Variants in CELSR2 observed in about 807,000 individuals in gnomAD.
CELSR2 encodes the protein cadherin EGF LAG seven-pass G-type receptor 2.
Under a neutral mutation model 251.6 loss-of-function variants are expected in CELSR2, and 81 were observed. The observed-to-expected ratio is 0.32, with a 90% confidence interval of 0.27 to 0.39. The LOEUF (loss-of-function observed/expected upper bound fraction) is 0.39. CELSR2 is among the 10% of genes least tolerant of loss of function. CELSR2 has a pLI of 1.00. For missense variants in CELSR2, 3,365 were observed against 3,947.7 expected (o/e 0.85, Z 3.96); for synonymous variants, 1,721 against 1,670.5 (o/e 1.03, Z -0.74).
Position 109,267,835 on chromosome 1 carries a change from G to T in CELSR2, c.6109-16G>T. The T allele has an allele frequency of 1.3e-6, 2 of 1,593,630 alleles. No homozygotes were observed. Among genetic ancestry groups the T allele is most frequent in the Non-Finnish European group, 8.6e-7 (1 of 1,169,484 alleles). ...TTCCTGCCCTCACTCCTGCTCCTCCGCTCCGTCCTGTCTAGGCTGAGCGGC... is the reference window on the plus strand; with the variant it reads ...TTCCTGCCCTCACTCCTGCTCCTCCTCTCCGTCCTGTCTAGGCTGAGCGGC... On this transcript the variant is annotated splice_polypyrimidine_tract_variant and intron_variant, in intron 16 of 33. Transcript: ENST00000271332.
chr1:109,256,935 G>A (rs1423550850), intron 1 of CELSR2, among the ~76,000 whole-genome samples: 1 of 152,142 alleles, frequency 6.6e-6, no homozygotes, highest in Admixed American at 6.5e-5. Context: ...TGGGACTACA[G>A]GCGTGAGCCA....
In CELSR2 at chr1:109,269,826, G is replaced by A; in HGVS notation, c.7107+6G>A. 1 of 1,612,620 alleles carries A rather than the reference G, an allele frequency of 6.2e-7. No homozygotes were observed. The highest frequency in any genetic ancestry group is 8.5e-7 in the Non-Finnish European group (1 of 1,179,954). On this transcript the variant is annotated splice_donor_region_variant and intron_variant, in intron 22 of 33. Coordinates refer to ENST00000271332, the MANE Select transcript of CELSR2 (RefSeq NM_001408.3). This position sits in a 1 kb window ranked among gnomAD's most constrained non-coding sequence, Gnocchi z 6.4. The stretch of plus-strand genomic sequence containing the variant: ...TGGACGTTTCTCGGCGGGAGGTCGG[G>A]CCCACAGGGGCAGCTGCAGAGCCGT...
Position 109,269,221 on chromosome 1 carries a change from G to A in CELSR2, c.6743G>A (p.Ser2248Asn), listed in dbSNP as rs1479178331. 1.2e-5 allele frequency: 20 copies of A among 1,612,786 alleles called. No individual in the cohort carries two copies. Among genetic ancestry groups the A allele is most frequent in the Non-Finnish European group, 1.7e-5 (20 of 1,179,916 alleles). Residue 2248 changes from serine to asparagine, a missense_variant, in exon 20 of 34, where the codon AGC (serine) becomes AAC (asparagine). Ser to Asn is a conservative substitution (Grantham distance 46). Around this residue, in one of 5 missense-constraint regions of CELSR2, gnomAD observed 2,093 missense variants for 2,382.8 expected, o/e 0.88. Transcript: ENST00000271332. This position sits in a 1 kb window ranked among gnomAD's most constrained non-coding sequence, Gnocchi z 6.4. ...CTGAGCCAGGGTGAGGCTGTGGCCAGCGTCATCATCTACCGCACCCTGGCC... is the reference window on the plus strand; with the variant it reads ...CTGAGCCAGGGTGAGGCTGTGGCCAACGTCATCATCTACCGCACCCTGGCC... The part of the protein sequence containing the change: ...PELSQGEAVA[S>N]VIIYRTLAGL...
intron 2 of CELSR2, among the ~76,000 whole-genome samples, chr1:109,259,968 G>A (rs1293551734): frequency 6.6e-6 from 1 of 152,024 alleles, no homozygotes; most frequent in Non-Finnish European, 1.5e-5. Context: ...TTCCTTCCTA[G>A]ATGCCCAGGC....
At chr1:109,256,776 G>A (rs1264901431) in intron 1 of CELSR2, among the ~76,000 whole-genome samples, 1 of 152,060 alleles carries the variant, frequency 6.6e-6, no homozygotes, top group Admixed American at 6.5e-5. Context: ...TGAGTATCTG[G>A]GACCTCCTGA....
In CELSR2 at chr1:109,271,610, T is replaced by C; in HGVS notation, c.7814T>C (p.Ile2605Thr). The C allele has an allele frequency of 1.2e-6, 2 of 1,614,138 alleles. No individual in the cohort carries two copies. Among genetic ancestry groups the C allele is most frequent in the Non-Finnish European group, 1.7e-6 (2 of 1,180,034 alleles). Residue 2605 changes from isoleucine to threonine, a missense_variant, in exon 28 of 34, where the codon ATC becomes ACC. This residue lies in a region of CELSR2 where 2,093 missense variants were observed against 2,382.8 expected (regional missense o/e 0.88). Transcript: ENST00000271332. ...ATCNCIQGPFIFLSYVVLSKE... is the reference protein window; with the variant it reads ...ATCNCIQGPFTFLSYVVLSKE... The stretch of plus-strand genomic sequence containing the variant: ...CCTCTTGCCTGCCAGGGCCCCTTCA[T>C]CTTCCTCTCCTATGTGGTGCTTAGC...
Position 109,269,132 on chromosome 1 carries a change from C to A in CELSR2, c.6654C>A (p.Pro2218=), listed in dbSNP as rs751483830. ...VFRETPPVVR[P]AGPGEAQEPE... is the part of the protein sequence containing the mutation. ...CAGAGACGCCCCCCGTGGTCAGGCC[C>A]GCAGGCCCCGGAGAGGCCCAGGAGC... The change falls in exon 20 of 34, where the codon CCC becomes CCA. Residue 2218 remains proline (P), a synonymous_variant. Coordinates refer to ENST00000271332, the MANE Select transcript of CELSR2 (RefSeq NM_001408.3). This position sits in a 1 kb window ranked among gnomAD's most constrained non-coding sequence, Gnocchi z 6.4. 1.2e-5 allele frequency: 19 copies of A among 1,606,652 alleles called. No homozygotes were observed. In the South Asian group the frequency reaches 2.0e-4, roughly 17 times the overall value.
In CELSR2 at chr1:109,261,770, C is replaced by G; in HGVS notation, c.4298-38C>G. ...ACCCCAAACCCTGCCATTCCTAGCC[C>G]TCGTCAGGCATTCCAGCTCACCTGG... On this transcript the variant is annotated intron_variant, in intron 4 of 33. Transcript: ENST00000271332. The surrounding 1 kb of genome is among the most constrained non-coding windows in gnomAD (Gnocchi z 4.8). 6.4e-7 allele frequency: 1 copy of G among 1,568,788 alleles called. No homozygotes were observed. Among genetic ancestry groups the G allele is most frequent in the South Asian group, 1.1e-5 (1 of 87,196 alleles).
rs1285473529 is a variant in CELSR2 at position 109,269,344 on chromosome 1, T to G, written c.6812+54T>G. 5 of 1,610,692 alleles carry G rather than the reference T, an allele frequency of 3.1e-6. No individual in the cohort carries two copies. Among genetic ancestry groups the G allele is most frequent in the Non-Finnish European group, 4.2e-6 (5 of 1,178,652 alleles). ...GGGGTATGGGTCGGGCGGTGAGTGC[T>G]GAGGCATGGAGGGGGTCGGGGGCGT... On this transcript the variant is annotated intron_variant, in intron 20 of 33. Transcript: ENST00000271332. The surrounding 1 kb of genome is among the most constrained non-coding windows in gnomAD (Gnocchi z 6.4).
chr1:109,272,703 C>G lies in CELSR2; in HGVS notation c.8118C>G (p.Phe2706Leu), dbSNP rs765814683. ...PPGLGDPGSLFLEGQDQQHDP... is the reference protein window; with the variant it reads ...PPGLGDPGSLLLEGQDQQHDP... Reference sequence around the variant, plus strand: ...GCCTGGGGGATCCAGGCAGCCTGTTCCTGGAAGGTCAAGACCAGCAGCATG... The same window carrying G: ...GCCTGGGGGATCCAGGCAGCCTGTTGCTGGAAGGTCAAGACCAGCAGCATG... Residue 2706 changes from phenylalanine to leucine, a missense_variant, in exon 30 of 34, where the codon TTC becomes TTG. This residue lies in a region of CELSR2 where 2,093 missense variants were observed against 2,382.8 expected (regional missense o/e 0.88). Coordinates refer to ENST00000271332, the MANE Select transcript of CELSR2 (RefSeq NM_001408.3). The G allele has an allele frequency of 1.6e-5, 26 of 1,613,264 alleles. No homozygotes were observed. Among genetic ancestry groups the G allele is most frequent in the Non-Finnish European group, 2.2e-5 (26 of 1,179,810 alleles).
In CELSR2 at chr1:109,258,767, C is replaced by T. The variant is rs772124372; in HGVS notation, c.3646C>T (p.Leu1216=). Residue 1216 remains leucine, a synonymous_variant, in exon 2 of 34, where the codon CTG becomes TTG. Coordinates refer to ENST00000271332, the MANE Select transcript of CELSR2 (RefSeq NM_001408.3). ...GCGCCTATACCTCAACCGCAGCCTG[C>T]TGACGGCCATCTCGGCACAGCGCGT... ...QERLYLNRSL[L]TAISAQRVLP... 9 of 1,595,426 alleles carry T rather than the reference C, an allele frequency of 5.6e-6. No homozygotes were observed. In the African/African-American group the frequency reaches 1.2e-4, roughly 21 times the overall value.
At position 109,271,653 on chromosome 1, in the gene CELSR2, A is replaced by G; in HGVS notation, c.7857A>G (p.Ala2619=). The part of the protein sequence containing the change: ...YVVLSKEVRK[A]LKLACSRKPS... Reference sequence around the variant, plus strand: ...TGCTTAGCAAGGAGGTCCGGAAAGCACTCAAGCTTGCCTGCAGCCGCAAGC... The same window carrying G: ...TGCTTAGCAAGGAGGTCCGGAAAGCGCTCAAGCTTGCCTGCAGCCGCAAGC... Residue 2619 remains alanine, a synonymous_variant, in exon 28 of 34, where the codon GCA becomes GCG. Coordinates refer to ENST00000271332, the MANE Select transcript of CELSR2 (RefSeq NM_001408.3). The G allele has an allele frequency of 6.2e-7, 1 of 1,613,764 alleles. No individual in the cohort carries two copies. The highest frequency in any genetic ancestry group is 8.5e-7 in the Non-Finnish European group (1 of 1,179,988).
rs1656502273 is a variant in CELSR2, at chr1:109,275,372, C to T, written c.*1323C>T. The stretch of plus-strand genomic sequence containing the variant: ...CCCCTCTCCTCAGTTTTGCCGACTG[C>T]TTTTCATCTGAGTCACCATTTACTC... On this transcript the variant is annotated 3_prime_UTR_variant, in exon 34 of 34. Coordinates refer to ENST00000271332, the MANE Select transcript of CELSR2 (RefSeq NM_001408.3). The T allele has an allele frequency of 6.6e-6, 1 of 152,250 alleles. No individual in the cohort carries two copies. Among genetic ancestry groups the T allele is most frequent in the Non-Finnish European group, 1.5e-5 (1 of 68,060 alleles). 9.4% of individuals were successfully genotyped at this position (152,250 alleles called of 1,614,324 possible).
chr1:109,258,271 C>T (rs1371149497), intron 1 of CELSR2, among the ~76,000 whole-genome samples, 161 bp from the exon 2 acceptor site: 6 of 152,108 alleles, frequency 3.9e-5, no homozygotes, highest in Admixed American at 1.3e-4. Flanking sequence ...CTGCAAATCT[C>T]ATCCCCTGAG....
intron 1 of CELSR2, among the ~76,000 whole-genome samples, chr1:109,257,552 G>C (rs896829663): frequency 6.6e-6 from 1 of 152,182 alleles, no homozygotes. Context: ...CTGTTTATAA[G>C]TGAGTGTGTT....
chr1:109,261,823 C>T lies in CELSR2; in HGVS notation c.4313C>T (p.Thr1438Met), dbSNP rs1326580989. 5 of 1,593,824 alleles carry T rather than the reference C, an allele frequency of 3.1e-6. No homozygotes were observed. The highest frequency in any genetic ancestry group is 1.1e-5 in the South Asian group (1 of 88,546). ...CTTTCCCCAGGGGAGTCAACCACCACGGTGTCCCCATTCGTGCCCGGAGGA... is the reference window on the plus strand; with the variant it reads ...CTTTCCCCAGGGGAGTCAACCACCATGGTGTCCCCATTCGTGCCCGGAGGA... ...LTFSAGESTT[T>M]VSPFVPGGVS... The change falls in exon 5 of 34, where the codon ACG becomes ATG. Residue 1438 changes from threonine (T) to methionine (M), a missense_variant. Around this residue, in one of 5 missense-constraint regions of CELSR2, gnomAD observed 2,093 missense variants for 2,382.8 expected, o/e 0.88. Transcript: ENST00000271332. The surrounding 1 kb of genome is among the most constrained non-coding windows in gnomAD (Gnocchi z 4.8).
chr1:109,272,742 G>C lies in CELSR2; in HGVS notation c.8143+14G>C. On this transcript the variant is annotated intron_variant, in intron 30 of 33. Coordinates refer to ENST00000271332, the MANE Select transcript of CELSR2 (RefSeq NM_001408.3). ...ACCAGCAGCATGGTGAGGACAGAACGCTCTGGCCACCCAGCAGGGCAGTTG... is the reference window on the plus strand; with the variant it reads ...ACCAGCAGCATGGTGAGGACAGAACCCTCTGGCCACCCAGCAGGGCAGTTG... The C allele has an allele frequency of 6.2e-7, 1 of 1,613,812 alleles. No individual in the cohort carries two copies. The highest frequency in any genetic ancestry group is 8.5e-7 in the Non-Finnish European group (1 of 1,179,834).
intron 14 of CELSR2, 59 bp downstream of exon 14, chr1:109,265,977 C>T: frequency 1.3e-6 from 2 of 1,582,566 alleles, no homozygotes; most frequent in South Asian, 2.3e-5. Context: ...ACCTGCACCC[C>T]AGGAAAGCCA....
intron 1 of CELSR2, among the ~76,000 whole-genome samples, chr1:109,256,246 A>T (rs1557728842): frequency 6.6e-6 from 1 of 152,168 alleles, no homozygotes; most frequent in African/African-American, 2.4e-5. Flanking sequence ...GAGCTAGGGC[A>T]GGTTAGAAGA....
Sources: allele counts gnomAD v4.1 joint callset (sites outside exome capture counted in the v4.1 genomes callset), GRCh38; gene constraint gnomAD v4.1.1; regional missense constraint gnomAD v4.1.1; non-coding constraint Gnocchi (gnomAD v3.1); transcripts MANE v1.5; gene names NCBI Gene and HGNC (gene_info 2026-07-23, HGNC 2026-07-21).